Variants in VEPH1 observed in about 807,000 individuals in gnomAD.
The protein encoded by VEPH1 is ventricular zone-expressed PH domain-containing protein homolog 1.
In VEPH1, 80 loss-of-function variants were observed where a neutral mutation model predicts 85.2. The observed-to-expected ratio is 0.94, with a 90% CI of 0.78 to 1.13. The LOEUF is 1.13. Ranked by LOEUF, VEPH1 falls within the 50% of genes most tolerant of loss-of-function variation. VEPH1 has a pLI of 0.00. For synonymous variants in VEPH1, 297 were observed against 348.0 expected, an observed-to-expected ratio of 0.85 and a Z score of 1.63; for missense variants, 955 against 980.5, an observed-to-expected ratio of 0.97 and a Z score of 0.35.
At chr3:157,401,249 T>C (rs746160958) in intron 6 of VEPH1, among the ~76,000 whole-genome samples, 5 of 151,942 alleles carry the variant, frequency 3.3e-5, no homozygotes, top group Admixed American at 3.3e-4. Flanking sequence ...AGAAAGAAAA[T>C]AGAAATAAAA....
At chr3:157,369,033 C>T (rs1338417114) in intron 7 of VEPH1, among the ~76,000 whole-genome samples, 1 of 151,444 alleles carries the variant, frequency 6.6e-6, no homozygotes, top group Non-Finnish European at 1.5e-5. Flanking sequence ...TTGGCACACA[C>T]AGGACCTGGA....
chr3:157,362,790 A>G (rs1184942325), intron 9 of VEPH1, among the ~76,000 whole-genome samples: 1 of 152,218 alleles, frequency 6.6e-6, no homozygotes, highest in African/African-American at 2.4e-5. Context: ...TTGGTAAACT[A>G]GGTGCATTTT....
intron 9 of VEPH1, among the ~76,000 whole-genome samples, chr3:157,350,939 CCAGTATAGAGAA>C (rs1189386246): frequency 1.3e-5 from 2 of 152,078 alleles, no homozygotes; most frequent in Non-Finnish European, 2.9e-5. Context: ...ACTAGTACAA[CCAGTATAGAGAA>C]CAGTATGGAG....
intron 1 of VEPH1, among the ~76,000 whole-genome samples, chr3:157,496,114 A>T (rs2109762799): frequency 6.6e-6 from 1 of 152,356 alleles, no homozygotes; most frequent in African/African-American, 2.4e-5. Flanking sequence ...ATGGCGTTAG[A>T]TAAATCTCTA....
intron 2 of VEPH1, among the ~76,000 whole-genome samples, chr3:157,493,891 T>C (rs974058331): frequency 7.2e-5 from 11 of 152,220 alleles, no homozygotes; most frequent in African/African-American, 2.7e-4. Context: ...TTTGTTTTCC[T>C]AGTAAGAAGA....
intron 4 of VEPH1, among the ~76,000 whole-genome samples, chr3:157,433,427 G>A (rs1033933110): frequency 6.6e-6 from 1 of 151,974 alleles, no homozygotes; most frequent in South Asian, 2.1e-4. Context: ...TGATTATTTT[G>A]AGTGCTGAAT....
At chr3:157,293,255 T>C (rs916744842) in intron 11 of VEPH1, among the ~76,000 whole-genome samples, 2 of 152,152 alleles carry the variant, frequency 1.3e-5, no homozygotes, top group African/African-American at 4.8e-5. Flanking sequence ...GAAGGACTCA[T>C]AGTGCATTTC....
At chr3:157,439,367 A>C (rs1162897700) in intron 4 of VEPH1, among the ~76,000 whole-genome samples, 2 of 152,158 alleles carry the variant, frequency 1.3e-5, no homozygotes, top group African/African-American at 2.4e-5. Context: ...ATATGCTTTG[A>C]TTTATCTTCT....
chr3:157,350,102 T>A (rs1389173462), intron 9 of VEPH1, among the ~76,000 whole-genome samples: 1 of 152,084 alleles, frequency 6.6e-6, no homozygotes, highest in African/African-American at 2.4e-5. Flanking sequence ...AGCATCACAT[T>A]ACCAGACTTC....
Position 157,495,107 on chromosome 3 carries a change from T to C in VEPH1, c.138+105A>G, listed in dbSNP as rs1264468792. ...GATTAAGAGAGACCAATATTAGTGG[T>C]ATTTCCTCTTTCCCCTGCAAAGATC... On this transcript the variant is annotated intron_variant, in intron 2 of 13. Coordinates refer to ENST00000362010, the MANE Select transcript of VEPH1 (RefSeq NM_001167912.2). 5 of 1,148,966 alleles carry C rather than the reference T, an allele frequency of 4.4e-6. No homozygotes were observed. In the Admixed American group the frequency reaches 9.4e-5, roughly 22 times the overall value. 71.2% of individuals were successfully genotyped at this position (1,148,966 alleles called of 1,614,324 possible).
chr3:157,475,422 T>C (rs1236615174), intron 2 of VEPH1, among the ~76,000 whole-genome samples: 1 of 152,190 alleles, frequency 6.6e-6, no homozygotes, highest in East Asian at 1.9e-4. Flanking sequence ...TTATATAAAG[T>C]GATATGATAG....
chr3:157,470,502 C>T lies in VEPH1; in HGVS notation c.166G>A (p.Ala56Thr). ...SDYQTNNNDQ[A>T]VVEICITRIT... is the part of the protein sequence containing the mutation. ...CTTGTGATACAGATTTCAACTACTGCCTGGTCATTGTTATTGGTTTGGTAA... is the reference window on the plus strand; with the variant it reads ...CTTGTGATACAGATTTCAACTACTGTCTGGTCATTGTTATTGGTTTGGTAA... The change falls in exon 3 of 14, where the codon GCA (alanine) becomes ACA (threonine). Residue 56 changes from alanine to threonine, a missense_variant. Transcript: ENST00000362010. 10 of 1,614,134 alleles carry T rather than the reference C, an allele frequency of 6.2e-6. No individual in the cohort carries two copies. The highest frequency in any genetic ancestry group is 8.5e-6 in the Non-Finnish European group (10 of 1,180,024).
intron 4 of VEPH1, among the ~76,000 whole-genome samples, chr3:157,457,882 A>G (rs771056816): frequency 7.9e-5 from 12 of 152,144 alleles, no homozygotes; most frequent in Non-Finnish European, 1.6e-4. Context: ...GCCTTATAGA[A>G]TGAGTTAGGG....
chr3:157,356,757 T>C (rs748938620), intron 9 of VEPH1, among the ~76,000 whole-genome samples: 1 of 152,220 alleles, frequency 6.6e-6, no homozygotes, highest in Non-Finnish European at 1.5e-5. Context: ...ACAGGGCATA[T>C]ACTGCCAGTT....
intron 2 of VEPH1, chr3:157,493,431 G>T (rs1739396756): frequency 3.0e-6 from 1 of 330,994 alleles, no homozygotes; most frequent in African/African-American, 2.2e-5. Flanking sequence ...GAGCAGGCAT[G>T]GTGGTTCCAT....
At chr3:157,458,237 T>C (rs1208761244) in intron 4 of VEPH1, among the ~76,000 whole-genome samples, 4 of 152,174 alleles carry the variant, frequency 2.6e-5, no homozygotes, top group Non-Finnish European at 2.9e-5. Flanking sequence ...TTGTGTTTAT[T>C]TGGAGCTTCT....
chr3:157,359,330 G>A (rs944350434), intron 9 of VEPH1, among the ~76,000 whole-genome samples: 6 of 152,202 alleles, frequency 3.9e-5, no homozygotes, highest in Admixed American at 3.9e-4. Context: ...TTTGGCACAT[G>A]AATTCAGTTC....
At chr3:157,308,778 T>C (rs1476373624) in intron 11 of VEPH1, among the ~76,000 whole-genome samples, 8 of 152,084 alleles carry the variant, frequency 5.3e-5, no homozygotes, top group Admixed American at 5.2e-4. Flanking sequence ...TTCATTCAAG[T>C]GTATTTCTCT....
chr3:157,281,779 G>A (rs1223397088), intron 12 of VEPH1, among the ~76,000 whole-genome samples: 2 of 152,036 alleles, frequency 1.3e-5, no homozygotes, highest in East Asian at 1.9e-4. Flanking sequence ...CTTGTGATCC[G>A]CCTGCCTCGG....
Sources: gnomAD v4.1 joint callset for allele counts (sites outside exome capture counted in the v4.1 genomes callset) on GRCh38, gnomAD v4.1.1 for gene constraint, MANE v1.5 for transcripts, NCBI Gene and HGNC (gene_info 2026-07-23, HGNC 2026-07-21) for gene names.